MEIS2: variants seen among roughly 807,000 people sequenced by gnomAD.
MEIS2 encodes homeobox protein Meis2.
In MEIS2, 9 loss-of-function variants were observed where a neutral mutation model predicts 58.6. The ratio of observed to expected loss-of-function variants is 0.15; its 90% CI spans 0.09 to 0.27. The LOEUF (loss-of-function observed/expected upper bound fraction) is 0.27, where lower values mean the gene tolerates loss of function less well. Ranked by LOEUF, MEIS2 falls within the 10% of genes least tolerant of loss-of-function variation. The probability of loss-of-function intolerance (pLI) is 1.00; values close to 1 mark genes in which losing one functional copy is unlikely to be tolerated. For missense variants in MEIS2, 427 were observed against 635.0 expected, an observed-to-expected ratio of 0.67 and a Z score of 3.52; for synonymous variants, 221 against 228.4, an observed-to-expected ratio of 0.97 and a Z score of 0.29.
At chr15:36,970,046 GTCACGTTTACAA>G (rs1316988119) in intron 8 of MEIS2, among the ~76,000 whole-genome samples, 2 of 152,126 alleles carry the variant, frequency 1.3e-5, no homozygotes, top group African/African-American at 4.8e-5. Context: ...TATATAGACA[GTCACGTTTACAA>G]AGATTGAATG....
intron 9 of MEIS2, among the ~76,000 whole-genome samples, chr15:36,933,240 G>C (rs2058046241): frequency 1.3e-5 from 2 of 152,154 alleles, no homozygotes; most frequent in African/African-American, 4.8e-5. Flanking sequence ...CACTATCTCA[G>C]CATCAGAGCA....
intron 8 of MEIS2, among the ~76,000 whole-genome samples, chr15:37,033,306 A>G (rs1391399952): frequency 6.6e-6 from 1 of 152,158 alleles, no homozygotes; most frequent in African/African-American, 2.4e-5. Flanking sequence ...TCTGCTAGTT[A>G]ATGAATGCAT....
intron 8 of MEIS2, among the ~76,000 whole-genome samples, chr15:36,971,537 T>TAAAAAAAAAAAAAAAAAAAAA (rs71126247): frequency 1.6e-4 from 11 of 67,112 alleles, no homozygotes; most frequent in African/African-American, 2.1e-4. Flanking sequence ...CTTGTTACAT[T>TAAAAAAAAAAAAAAAAAAAAA]AAAAAAAAAA....
At chr15:37,044,799 TTGTC>T (rs1339270974) in intron 7 of MEIS2, among the ~76,000 whole-genome samples, 3 of 152,198 alleles carry the variant, frequency 2.0e-5, no homozygotes, top group African/African-American at 7.2e-5. Context: ...GTTTACTAGT[TTGTC>T]TGTGAGCTTT....
intron 8 of MEIS2, among the ~76,000 whole-genome samples, chr15:36,995,675 C>T (rs1180171142): frequency 2.0e-5 from 2 of 98,086 alleles, no homozygotes; most frequent in African/African-American, 8.2e-5. Context: ...TCCCTAGAGG[C>T]AGTTCATCAG....
chr15:37,033,079 T>G (rs556776756), intron 8 of MEIS2, among the ~76,000 whole-genome samples: 1 of 152,326 alleles, frequency 6.6e-6, no homozygotes, highest in South Asian at 2.1e-4. Context: ...GTGAATGATT[T>G]TTGTCATATT....
intron 8 of MEIS2, among the ~76,000 whole-genome samples, chr15:36,964,599 C>A (rs2059296125): frequency 6.6e-6 from 1 of 151,828 alleles, no homozygotes; most frequent in Admixed American, 6.6e-5. Context: ...TTCTATTAGC[C>A]CATATTGATT....
chr15:36,952,024 G>A (rs1022198115), intron 8 of MEIS2, among the ~76,000 whole-genome samples: 2 of 152,102 alleles, frequency 1.3e-5, no homozygotes, highest in Non-Finnish European at 2.9e-5. Context: ...GTCATCAATC[G>A]TTGCCTGTCA....
intron 7 of MEIS2, among the ~76,000 whole-genome samples, chr15:37,078,153 T>C (rs1045898084): frequency 3.3e-5 from 5 of 152,006 alleles, no homozygotes; most frequent in East Asian, 1.9e-4. Context: ...GGCTTCTGCA[T>C]TGAACGGCTG....
chr15:37,063,855 A>G (rs1889577382), intron 7 of MEIS2, among the ~76,000 whole-genome samples: 1 of 152,228 alleles, frequency 6.6e-6, no homozygotes, highest in Non-Finnish European at 1.5e-5. Context: ...TAAAGAAGCC[A>G]TGAAAAATGA....
chr15:36,988,658 CA>C (rs2060171044), intron 8 of MEIS2, among the ~76,000 whole-genome samples: 1 of 152,164 alleles, frequency 6.6e-6, no homozygotes, highest in Non-Finnish European at 1.5e-5. Flanking sequence ...CAGAAATTTA[CA>C]ATAAATACCC....
intron 8 of MEIS2, among the ~76,000 whole-genome samples, chr15:36,968,871 T>C (rs942934824): frequency 1.5e-4 from 20 of 133,890 alleles, no homozygotes; most frequent in African/African-American, 5.2e-4. Flanking sequence ...TTAATTTGCA[T>C]GTGCCTAGCT....
chr15:37,100,198 A>C lies in MEIS2; in HGVS notation c.-732T>G, dbSNP rs1048335786. The C allele has an allele frequency of 6.6e-5, 10 of 151,048 alleles. No individual in the cohort carries two copies. The highest frequency in any genetic ancestry group is 2.4e-4 in the African/African-American group (10 of 40,848). The allele number at this position is 151,048 out of a possible 1,614,324, so 9.4% of individuals were successfully genotyped here. On this transcript the variant is annotated 5_prime_UTR_variant, in exon 1 of 12. Coordinates refer to ENST00000561208, the MANE Select transcript of MEIS2 (RefSeq NM_170675.5). ...AGAAAAAAAAATGAATAGTTTGCAA[A>C]AATTGGACTTCCTCCCCCCCTTTCC...
chr15:37,097,047 C>T (rs1329338603), intron 2 of MEIS2, among the ~76,000 whole-genome samples: 1 of 152,224 alleles, frequency 6.6e-6, no homozygotes, highest in African/African-American at 2.4e-5. Flanking sequence ...GAAGGTTACA[C>T]ACTGGAGAGC....
At chr15:37,081,090 T>C (rs1838013288) in intron 7 of MEIS2, among the ~76,000 whole-genome samples, 1 of 152,206 alleles carries the variant, frequency 6.6e-6, no homozygotes. Flanking sequence ...TAAATACATG[T>C]ATTGTTTTAT....
At chr15:36,895,286 A>G in intron 10 of MEIS2, 25 bp from the exon 11 acceptor site, 2 of 1,590,568 alleles carry the variant, frequency 1.3e-6, no homozygotes, top group South Asian at 2.2e-5. Context: ...TCGAGGACAC[A>G]GAGGAGAAAG....
chr15:37,093,521 AG>A (rs1388805891), intron 6 of MEIS2, 59 bp downstream of exon 6: 2 of 1,580,056 alleles, frequency 1.3e-6, no homozygotes, highest in Non-Finnish European at 1.7e-6. Context: ...TGTTAAAACA[AG>A]GTTAAAATAA....
intron 8 of MEIS2, among the ~76,000 whole-genome samples, chr15:36,977,249 A>C (rs1216272869): frequency 6.6e-6 from 1 of 152,208 alleles, no homozygotes; most frequent in African/African-American, 2.4e-5. Flanking sequence ...ACTTTTCAAG[A>C]ATGTTTTATA....
At chr15:37,014,346 T>A (rs74008829) in intron 8 of MEIS2, among the ~76,000 whole-genome samples, 2,124 of 152,204 alleles carry the variant, frequency 0.014, 58 homozygotes, top group African/African-American at 0.048. Flanking sequence ...CAGTACTATA[T>A]CTGAGAAAAG....
Sources: allele counts gnomAD v4.1 joint callset (sites outside exome capture counted in the v4.1 genomes callset), GRCh38; gene constraint gnomAD v4.1.1; transcripts MANE v1.5; gene names NCBI Gene and HGNC (gene_info 2026-07-23, HGNC 2026-07-21).